GNAI1: variants seen among roughly 807,000 people sequenced by gnomAD.
GNAI1 encodes the protein G protein subunit alpha i1.
GNAI1 carries 11 observed loss-of-function variants against 38.9 expected under a neutral mutation model. The observed-to-expected ratio is 0.28, with a 90% CI of 0.18 to 0.47. The LOEUF (loss-of-function observed/expected upper bound fraction) is 0.47. GNAI1 is among the 20% of genes least tolerant of loss of function. The pLI is 0.99. For synonymous variants in GNAI1, 166 were observed against 145.1 expected (o/e 1.14, Z -1.04); for missense variants, 317 against 436.9 (o/e 0.73, Z 2.45).
intron 1 of GNAI1, among the ~76,000 whole-genome samples, chr7:80,167,359 G>T (rs1047989880): frequency 6.6e-6 from 1 of 152,162 alleles, no homozygotes; most frequent in Non-Finnish European, 1.5e-5. Flanking sequence ...GCTTAAGATG[G>T]TGGTCAGTGT....
intron 4 of GNAI1, among the ~76,000 whole-genome samples, chr7:80,201,801 A>G (rs1396936959): frequency 6.6e-6 from 1 of 152,154 alleles, no homozygotes; most frequent in Non-Finnish European, 1.5e-5. Context: ...AATAGTTGTG[A>G]CCTTAAGATG....
rs1789035006 is a variant in GNAI1, at chr7:80,219,458, T to C, written c.*1965T>C. 6.6e-6 allele frequency: 1 copy of C among 152,536 alleles called. No individual in the cohort carries two copies. The highest frequency in any genetic ancestry group is 1.5e-5 in the Non-Finnish European group (1 of 68,036). 9.4% of individuals were successfully genotyped at this position (152,536 alleles called of 1,614,324 possible). A position where few individuals can be genotyped will look rare whatever the true frequency, so the allele number is the denominator to read the frequency against. The stretch of plus-strand genomic sequence containing the variant: ...TTAGAATTTAAGTATCAGTCTGTTG[T>C]TTCTTCATTTCTTCTTTTTCTATGC... On this transcript the variant is annotated 3_prime_UTR_variant, in exon 8 of 8. Coordinates refer to ENST00000649796, the MANE Select transcript of GNAI1 (RefSeq NM_002069.6).
rs1788727649 is a variant in GNAI1 at position 80,203,724 on chromosome 7, G to A, written c.482G>A (p.Arg161Lys). 2 of 1,591,778 alleles carry A rather than the reference G, an allele frequency of 1.3e-6. No homozygotes were observed. The highest frequency in any genetic ancestry group is 2.3e-5 in the East Asian group (1 of 44,302). The stretch of plus-strand genomic sequence containing the variant: ...TTCAGCTATTTGAATGACTTGGACA[G>A]AATAGCTCAACCAAATTACATCCCG... ...SAAYYLNDLD[R>K]IAQPNYIPTQ... The change falls in exon 5 of 8, where the codon AGA (arginine) becomes AAA (lysine). Residue 161 changes from arginine to lysine, a missense_variant. Physicochemically the swap from Arg to Lys is conservative, Grantham distance 26 (BLOSUM62 2). This residue lies in a region of GNAI1 where 158 missense variants were observed against 234.7 expected (regional missense o/e 0.67). Transcript: ENST00000649796.
At chr7:80,214,064 G>T (rs940865054) in intron 7 of GNAI1, among the ~76,000 whole-genome samples, 5 of 152,044 alleles carry the variant, frequency 3.3e-5, no homozygotes, top group Non-Finnish European at 7.4e-5. Flanking sequence ...TTGTCCTCCT[G>T]CTCCTAGACC....
At chr7:80,216,270 G>T (rs543421674) in intron 7 of GNAI1, among the ~76,000 whole-genome samples, 5 of 150,396 alleles carry the variant, frequency 3.3e-5, no homozygotes, top group Non-Finnish European at 7.4e-5. Flanking sequence ...ACAGCTTCAG[G>T]ACCCCAGAAA....
Position 80,134,944 on chromosome 7 carries a change from C to G in GNAI1, c.-217C>G. 1 of 389,450 alleles carries G rather than the reference C, an allele frequency of 2.6e-6. No homozygotes were observed. The highest frequency in any genetic ancestry group is 4.5e-6 in the Non-Finnish European group (1 of 220,860). The allele number at this position is 389,450 out of a possible 1,614,324, so 24.1% of individuals were successfully genotyped here. ...GGGACTTGGGGGCGCTGAGCCGGGC[C>G]GGGAAGCAGAGCCTGGTCGTGAGGA... On this transcript the variant is annotated 5_prime_UTR_variant, in exon 1 of 8. Coordinates refer to ENST00000649796, the MANE Select transcript of GNAI1 (RefSeq NM_002069.6).
At chr7:80,187,821 A>G (rs1393852901) in intron 1 of GNAI1, among the ~76,000 whole-genome samples, 3 of 152,224 alleles carry the variant, frequency 2.0e-5, no homozygotes, top group Non-Finnish European at 4.4e-5. Context: ...CTCAATACCC[A>G]GCAATCAAGG....
At chr7:80,139,194 C>T (rs1323168222) in intron 1 of GNAI1, among the ~76,000 whole-genome samples, 1 of 152,078 alleles carries the variant, frequency 6.6e-6, no homozygotes. Context: ...TGATTTTTTT[C>T]TGTACCTTCT....
At chr7:80,216,179 A>G (rs975983902) in intron 7 of GNAI1, among the ~76,000 whole-genome samples, 2 of 151,194 alleles carry the variant, frequency 1.3e-5, no homozygotes, top group African/African-American at 4.9e-5. Flanking sequence ...ACATACATAC[A>G]TACGTACACA....
In GNAI1 at chr7:80,189,108, T is replaced by C. The variant is rs1788436401; in HGVS notation, c.180T>C (p.Gly60=). ...VKQMKIIHEA[G]YSEEECKQYK... is the part of the protein sequence containing the mutation. ...TCATTAGAATTATCCATGAAGCTGG[T>C]TATTCAGAAGAGGAGTGTAAACAAT... Residue 60 remains glycine (G), a synonymous_variant, in exon 3 of 8, where the codon GGT becomes GGC. Coordinates refer to ENST00000649796, the MANE Select transcript of GNAI1 (RefSeq NM_002069.6). 1 of 1,605,162 alleles carries C rather than the reference T, an allele frequency of 6.2e-7. No homozygotes were observed. The highest frequency in any genetic ancestry group is 8.5e-7 in the Non-Finnish European group (1 of 1,175,816).
intron 7 of GNAI1, among the ~76,000 whole-genome samples, chr7:80,215,632 C>T (rs889783138): frequency 6.6e-6 from 1 of 152,058 alleles, no homozygotes; most frequent in Non-Finnish European, 1.5e-5. Flanking sequence ...GAGTATGAGG[C>T]TTGTGGGGTA....
At position 80,218,153 on chromosome 7, in the gene GNAI1, G is replaced by A. The variant is rs2115729659; in HGVS notation, c.*660G>A. 6.6e-6 allele frequency: 1 copy of A among 152,262 alleles called. No individual in the cohort carries two copies. Among genetic ancestry groups the A allele is most frequent in the East Asian group, 1.9e-4 (1 of 5,176 alleles). 9.4% of individuals were successfully genotyped at this position (152,262 alleles called of 1,614,324 possible). A position where few individuals can be genotyped will look rare whatever the true frequency, so the allele number is the denominator to read the frequency against. ...TGGATCAACTATTTAAACATTGTAT[G>A]CATTTTGATTTTTCCTACTTTAAGA... is the stretch of plus-strand genomic sequence containing the variant. On this transcript the variant is annotated 3_prime_UTR_variant, in exon 8 of 8. Transcript: ENST00000649796.
intron 1 of GNAI1, among the ~76,000 whole-genome samples, chr7:80,146,437 C>A (rs987033311): frequency 3.0e-4 from 46 of 152,270 alleles, no homozygotes; most frequent in African/African-American, 1.1e-3. Flanking sequence ...ATATTACATT[C>A]TCTATTGTGT....
chr7:80,141,292 A>G (rs1323934312), intron 1 of GNAI1, among the ~76,000 whole-genome samples: 1 of 152,204 alleles, frequency 6.6e-6, no homozygotes, highest in Non-Finnish European at 1.5e-5. Flanking sequence ...ATACAGCCAC[A>G]ACTGACTGCA....
intron 5 of GNAI1, among the ~76,000 whole-genome samples, chr7:80,206,216 C>T (rs886450785): frequency 4.6e-5 from 7 of 151,938 alleles, no homozygotes; most frequent in Admixed American, 1.3e-4. Context: ...TTCATGGCTA[C>T]TTCTCTCCAA....
intron 1 of GNAI1, among the ~76,000 whole-genome samples, chr7:80,172,690 C>G (rs2115569055): frequency 6.6e-6 from 1 of 152,218 alleles, no homozygotes; most frequent in African/African-American, 2.4e-5. Flanking sequence ...TTGTAACATC[C>G]TTTTTCCTCC....
chr7:80,225,295 G>A lies in GNAI1; in HGVS notation c.*7802G>A, dbSNP rs995264789. ...TTTTAAGATCTATACTCTAAAACAG[G>A]GTTTTGAAATTAGCAGCTCTCTTTA... is the stretch of plus-strand genomic sequence containing the variant. On this transcript the variant is annotated 3_prime_UTR_variant, in exon 8 of 8. Coordinates refer to ENST00000649796, the MANE Select transcript of GNAI1 (RefSeq NM_002069.6). 9.2e-5 allele frequency among the ~76,000 whole-genome samples: 14 copies of A among 152,110 alleles called. No individual in the cohort carries two copies. The highest frequency in any genetic ancestry group is 1.8e-4 in the Non-Finnish European group (12 of 68,028).
chr7:80,197,828 A>G (rs1788606897), intron 3 of GNAI1, among the ~76,000 whole-genome samples: 1 of 152,132 alleles, frequency 6.6e-6, no homozygotes, highest in South Asian at 2.1e-4. Flanking sequence ...ACAAATTGGC[A>G]ACAGCATGAA....
chr7:80,167,206 G>T (rs574939577), intron 1 of GNAI1, among the ~76,000 whole-genome samples: 2 of 152,204 alleles, frequency 1.3e-5, no homozygotes, highest in African/African-American at 4.8e-5. Flanking sequence ...TGGACATCCA[G>T]ACTCGAACAC....
Sources: gnomAD v4.1 joint callset for allele counts (sites outside exome capture counted in the v4.1 genomes callset) on GRCh38, gnomAD v4.1.1 for gene constraint, gnomAD v4.1.1 regional missense constraint, MANE v1.5 for transcripts, NCBI Gene and HGNC (gene_info 2026-07-23, HGNC 2026-07-21) for gene names.